The following EYS variants were observed in gnomAD, a reference collection of about 807,000 sequenced individuals.
EYS encodes the protein protein eyes shut homolog.
EYS carries 250 observed loss-of-function variants against 282.1 expected under a neutral mutation model. That is an observed-to-expected ratio of 0.89 (90% CI 0.80 to 0.98). The LOEUF is 0.98. Ranked by LOEUF, EYS falls within the 50% of genes least tolerant of loss-of-function variation. EYS has a pLI of 0.00. For synonymous variants in EYS, 1,355 were observed against 1,282.9 expected, an observed-to-expected ratio of 1.06 and a Z score of -1.20; for missense variants, 4,016 against 3,709.0, an observed-to-expected ratio of 1.08 and a Z score of -2.15.
chr6:64,542,516 T>C (rs1206521261), intron 26 of EYS, among the ~76,000 whole-genome samples: 1 of 152,092 alleles, frequency 6.6e-6, no homozygotes, highest in East Asian at 1.9e-4. Context: ...TTTGGGCACC[T>C]AAGATTTATT....
In EYS at chr6:63,806,254, C is replaced by T. The variant is rs1770906194; in HGVS notation, c.7347G>A (p.Gln2449=). The change falls in exon 37 of 43, where the codon CAG becomes CAA. Residue 2449 remains glutamine, a synonymous_variant. Transcript: ENST00000503581. ...GCAGTGCTGAGTGGTTGTTTGCCAGCTGAAACTTCAGGTGGAATTCATAAT... is the reference window on the plus strand; with the variant it reads ...GCAGTGCTGAGTGGTTGTTTGCCAGTTGAAACTTCAGGTGGAATTCATAAT... The part of the protein sequence containing the change: ...SFHYEFHLKF[Q]LANNHSALQN... 2 of 1,551,494 alleles carry T rather than the reference C, an allele frequency of 1.3e-6. No individual in the cohort carries two copies. Among genetic ancestry groups the T allele is most frequent in the African/African-American group, 1.4e-5 (1 of 73,034 alleles).
At chr6:64,035,982 G>C (rs1021607331) in intron 33 of EYS, among the ~76,000 whole-genome samples, 5 of 152,178 alleles carry the variant, frequency 3.3e-5, no homozygotes, top group African/African-American at 1.2e-4. Flanking sequence ...GTTTGTGTTA[G>C]TACTAAAGAG....
At chr6:65,336,237 C>A (rs1253862122) in intron 10 of EYS, among the ~76,000 whole-genome samples, 1 of 151,714 alleles carries the variant, frequency 6.6e-6, no homozygotes, top group Non-Finnish European at 1.5e-5. Flanking sequence ...CACAAATAAA[C>A]TCTTCTTTCT....
intron 36 of EYS, among the ~76,000 whole-genome samples, chr6:63,852,679 A>T (rs1305183074): frequency 6.6e-6 from 1 of 152,154 alleles, no homozygotes; most frequent in Non-Finnish European, 1.5e-5. Flanking sequence ...GACACAACAA[A>T]AAAAGAAAAT....
chr6:63,782,061 TG>T (rs1770242931), intron 39 of EYS, among the ~76,000 whole-genome samples: 2 of 152,332 alleles, frequency 1.3e-5, no homozygotes, highest in African/African-American at 4.8e-5. Context: ...TTTATTGATT[TG>T]TGTATGTTGA....
intron 19 of EYS, among the ~76,000 whole-genome samples, chr6:64,877,620 G>A (rs931182808): frequency 6.6e-6 from 1 of 152,112 alleles, no homozygotes; most frequent in Middle Eastern, 3.4e-3. Flanking sequence ...ACCACAATGT[G>A]GAAAGAAAAT....
chr6:65,602,506 A>G (rs1765648191), intron 2 of EYS, among the ~76,000 whole-genome samples: 1 of 151,994 alleles, frequency 6.6e-6, no homozygotes, highest in African/African-American at 2.4e-5. Flanking sequence ...AAAAATATTT[A>G]TCCATTCTTT....
At chr6:64,788,941 CA>C (rs1236161942) in intron 22 of EYS, among the ~76,000 whole-genome samples, 1 of 152,036 alleles carries the variant, frequency 6.6e-6, no homozygotes. Flanking sequence ...ACTTGTAACC[CA>C]AAACCCGTAA....
rs147152166 is a variant in EYS at position 65,021,675 on chromosome 6, T to C, written c.2138-23972A>G. Among the ~76,000 whole-genome samples the C allele has an allele frequency of 4.9e-4, 75 of 152,298 alleles. No individual in the cohort carries two copies. In the East Asian group the frequency reaches 0.012, roughly 25 times the overall value. On this transcript the variant is annotated intron_variant, in intron 13 of 42. Coordinates refer to ENST00000503581, the MANE Select transcript of EYS (RefSeq NM_001142800.2). ...GGGTATCTTTAGAGCAGCACCTCAT[T>C]ACCCAGTAGCAGTTTACTGTACTAG...
At chr6:65,677,177 C>T (rs147261507) in intron 1 of EYS, among the ~76,000 whole-genome samples, 12 of 146,816 alleles carry the variant, frequency 8.2e-5, no homozygotes, top group Admixed American at 8.2e-4. Context: ...AATGTGCACT[C>T]TTATCACTTC....
chr6:64,443,415 T>C (rs1775015166), intron 26 of EYS, among the ~76,000 whole-genome samples: 1 of 152,202 alleles, frequency 6.6e-6, no homozygotes, highest in Non-Finnish European at 1.5e-5. Context: ...TTTGAGTTAA[T>C]GCTCAAATGA....
chr6:64,755,183 A>G (rs1772892157), intron 22 of EYS, among the ~76,000 whole-genome samples: 1 of 152,278 alleles, frequency 6.6e-6, no homozygotes, highest in South Asian at 2.1e-4. Context: ...CCTAAGTTCC[A>G]TTCATAATAC....
intron 8 of EYS, among the ~76,000 whole-genome samples, chr6:65,366,715 G>A (rs546533179): frequency 1.1e-4 from 16 of 151,630 alleles, no homozygotes; most frequent in South Asian, 8.3e-4. Flanking sequence ...TAACATTTCC[G>A]GAGGTCGGAA....
chr6:65,107,853 G>C (rs1775089471), intron 12 of EYS, among the ~76,000 whole-genome samples: 1 of 151,754 alleles, frequency 6.6e-6, no homozygotes, highest in Non-Finnish European at 1.5e-5. Flanking sequence ...TTACATCCTT[G>C]ATTTTTTATA....
intron 12 of EYS, among the ~76,000 whole-genome samples, chr6:65,079,802 C>T (rs1774174529): frequency 6.6e-6 from 1 of 152,094 alleles, no homozygotes; most frequent in South Asian, 2.1e-4. Context: ...CTGCTTCCCA[C>T]TTACCCCACC....
At chr6:63,817,445 G>A (rs1312961044) in intron 36 of EYS, among the ~76,000 whole-genome samples, 1 of 152,162 alleles carries the variant, frequency 6.6e-6, no homozygotes, top group African/African-American at 2.4e-5. Flanking sequence ...ATGGGACCAC[G>A]GGTAGCTTGG....
At chr6:65,021,057 G>T (rs553196394) in intron 13 of EYS, among the ~76,000 whole-genome samples, 5 of 152,280 alleles carry the variant, frequency 3.3e-5, no homozygotes, top group African/African-American at 1.2e-4. Context: ...GATGGGAGGG[G>T]CTGCCATGAA....
In EYS at chr6:64,747,290, T is replaced by G. The variant is rs773496896; in HGVS notation, c.3443+66088A>C. ...ATTAGTCCAATGCTTATTTGAAATC[T>G]TTTCTCTTCTCTGCATTTTTCTTTC... On this transcript the variant is annotated intron_variant, in intron 22 of 42. Coordinates refer to ENST00000503581, the MANE Select transcript of EYS (RefSeq NM_001142800.2). Among the ~76,000 whole-genome samples, 37 of 152,196 alleles carry G rather than the reference T, an allele frequency of 2.4e-4. 1 individual carries two copies. The highest frequency in any genetic ancestry group is 4.7e-4 in the Non-Finnish European group (32 of 68,028).
intron 31 of EYS, among the ~76,000 whole-genome samples, chr6:64,101,154 A>T (rs1226853246): frequency 2.6e-5 from 4 of 152,136 alleles, no homozygotes; most frequent in African/African-American, 7.2e-5. Context: ...TTCTGAACTC[A>T]ACTACAAATT....
Sources: allele counts gnomAD v4.1 joint callset (sites outside exome capture counted in the v4.1 genomes callset), GRCh38; gene constraint gnomAD v4.1.1; transcripts MANE v1.5; gene names NCBI Gene and HGNC (gene_info 2026-07-23, HGNC 2026-07-21).